The following RHOBTB1 variants were observed in gnomAD, a reference collection of about 807,000 sequenced individuals.
RHOBTB1 encodes rho-related BTB domain-containing protein 1.
Under a neutral mutation model 71.6 loss-of-function variants are expected in RHOBTB1, and 40 were observed. The observed-to-expected ratio is 0.56, with a 90% CI of 0.43 to 0.73. RHOBTB1 has a LOEUF of 0.73. Among genes scored for constraint, RHOBTB1 ranks in the 30% least tolerant of loss-of-function variants. RHOBTB1 has a pLI of 0.00. For missense variants in RHOBTB1, 797 were observed against 894.0 expected (o/e 0.89, Z 1.38); for synonymous variants, 319 against 334.9 (o/e 0.95, Z 0.52).
chr10:60,888,943 A>G lies in RHOBTB1; in HGVS notation c.725T>C (p.Val242Ala). The G allele has an allele frequency of 6.2e-7, 1 of 1,614,150 alleles. No homozygotes were observed. The change falls in exon 6 of 11, where the codon GTC becomes GCC. Residue 242 changes from valine (V) to alanine (A), a missense_variant. By Grantham distance (64) the Val-to-Ala change is moderately conservative. Around this residue, in one of 2 missense-constraint regions of RHOBTB1, gnomAD observed 658 missense variants for 681.5 expected, o/e 0.97. Transcript: ENST00000337910. Reference protein sequence around the residue: ...PFLPPKAPPPVIKIPECPSMG... With the variant: ...PFLPPKAPPPAIKIPECPSMG... ...GGAAGGACACTCTGGAATTTTGATG[A>G]CCGGTGGAGGGGCTTTTGGAGGTAG...
intron 4 of RHOBTB1, among the ~76,000 whole-genome samples, chr10:60,902,974 A>G (rs2133148283): frequency 6.6e-6 from 1 of 152,308 alleles, no homozygotes; most frequent in East Asian, 1.9e-4. Flanking sequence ...CTAGGATAAT[A>G]GGATAAGGGG....
rs1433508646 is a variant in RHOBTB1 at position 60,870,334 on chromosome 10, C to G, written c.*1148G>C. On this transcript the variant is annotated 3_prime_UTR_variant, in exon 11 of 11. Coordinates refer to ENST00000337910, the MANE Select transcript of RHOBTB1 (RefSeq NM_014836.5). The stretch of plus-strand genomic sequence containing the variant: ...TCCTTTCCGTGTAGGAGAACGCAGG[C>G]GCCCAGCCTCCAGCTTTGTGCTTTC... The G allele has an allele frequency of 6.6e-6, 1 of 152,662 alleles. No individual in the cohort carries two copies. Among genetic ancestry groups the G allele is most frequent in the South Asian group, 2.1e-4 (1 of 4,836 alleles). The allele number at this position is 152,662 out of a possible 1,614,324, so 9.5% of individuals were successfully genotyped here. A position where few individuals can be genotyped will look rare whatever the true frequency, so the allele number is the denominator to read the frequency against.
At chr10:60,909,503 C>G (rs1004730945) in intron 4 of RHOBTB1, among the ~76,000 whole-genome samples, 6 of 152,110 alleles carry the variant, frequency 3.9e-5, no homozygotes, top group African/African-American at 9.7e-5. Flanking sequence ...CCTTTGAAAT[C>G]TACTGTATTT....
At chr10:60,935,325 G>A (rs979080790) in intron 2 of RHOBTB1, among the ~76,000 whole-genome samples, 5 of 152,112 alleles carry the variant, frequency 3.3e-5, no homozygotes, top group Non-Finnish European at 7.4e-5. Flanking sequence ...ACATTGATTG[G>A]GTAGTGGCTG....
intron 4 of RHOBTB1, among the ~76,000 whole-genome samples, chr10:60,906,989 T>C (rs2133273617): frequency 6.6e-6 from 1 of 152,350 alleles, no homozygotes; most frequent in South Asian, 2.1e-4. Flanking sequence ...TTTCTCATGC[T>C]ATTCTCATGA....
chr10:60,886,723 G>C lies in RHOBTB1; in HGVS notation c.1457-493C>G, dbSNP rs982671255. ...CTGTTTTTTTTAAGAGATGTGGGGG[G>C]GGGTGGGTCTGGCTATGTTGTCCAG... On this transcript the variant is annotated intron_variant, in intron 6 of 10. Transcript: ENST00000337910. 2.8e-5 allele frequency among the ~76,000 whole-genome samples: 4 copies of C among 142,306 alleles called. No homozygotes were observed. The East Asian group carries it at 7.4e-4, about 26-fold the overall frequency. The allele number at this position is 142,306 out of a possible 152,430, so 93.4% of individuals were successfully genotyped here.
rs372087538 is a variant in RHOBTB1 at position 60,889,128 on chromosome 10, T to A, written c.540A>T (p.Glu180Asp). ...TTGTTTCATAGTATGGTAAGCCAAG[T>A]TCCTTTGCTACCTCTCGGCCTTTTT... ...PPEKGREVAK[E>D]LGLPYYETSV... Residue 180 changes from glutamate (E) to aspartate (D), a missense_variant, in exon 6 of 11, where the codon GAA (glutamate) becomes GAT (aspartate). Glu to Asp is a conservative substitution (Grantham distance 45). Transcript: ENST00000337910. 1 of 1,613,996 alleles carries A rather than the reference T, an allele frequency of 6.2e-7. No homozygotes were observed. The highest frequency in any genetic ancestry group is 8.5e-7 in the Non-Finnish European group (1 of 1,179,934).
At chr10:60,914,695 T>C (rs1297662510) in intron 2 of RHOBTB1, among the ~76,000 whole-genome samples, 1 of 152,230 alleles carries the variant, frequency 6.6e-6, no homozygotes, top group Non-Finnish European at 1.5e-5. Flanking sequence ...CACTGAAGAT[T>C]ACTTTGAGAG....
In RHOBTB1 at chr10:60,968,154, CT is replaced by C. The variant is rs201417955; in HGVS notation, c.-62+17690del. ...TCTTCACCAGCCAATTCAAATGTAG[CT>C]CCATCTGCACCTCTACAGGAAAACT... On this transcript the variant is annotated intron_variant, in intron 2 of 11. Coordinates refer to the RHOBTB1 transcript ENST00000357917. Among the ~76,000 whole-genome samples, 814 of 152,234 alleles carry C rather than the reference CT, an allele frequency of 5.3e-3. 4 individuals carry two copies. Among genetic ancestry groups the C allele is most frequent in the Non-Finnish European group, 9.1e-3 (620 of 67,982 alleles).
rs117000196 is a variant in RHOBTB1 at position 60,906,910 on chromosome 10, G to A, written c.296+3977C>T. Among the ~76,000 whole-genome samples the A allele has an allele frequency of 3.9e-3, 590 of 152,324 alleles. 16 individuals carry two copies. In the East Asian group the frequency reaches 0.058, roughly 15 times the overall value. On this transcript the variant is annotated intron_variant, in intron 4 of 10. Transcript: ENST00000337910. ...ACCCAAATCTCGAATCGTAGCTCCC[G>A]TGATTCTCACATGTCGTGATGTCGT... is the stretch of plus-strand genomic sequence containing the variant.
At chr10:60,991,413 T>C (rs1399093359) in intron 1 of RHOBTB1, among the ~76,000 whole-genome samples, 1 of 149,840 alleles carries the variant, frequency 6.7e-6, no homozygotes. Flanking sequence ...CTCCAGACAG[T>C]GTGGCCTTCC....
At chr10:60,906,046 T>C (rs966061615) in intron 4 of RHOBTB1, among the ~76,000 whole-genome samples, 3 of 152,216 alleles carry the variant, frequency 2.0e-5, no homozygotes, top group Non-Finnish European at 4.4e-5. Flanking sequence ...ATTTAAAACA[T>C]GTACTTTACT....
rs1209477237 is a variant in RHOBTB1 at position 60,870,784 on chromosome 10, G to A, written c.*698C>T. 1.3e-5 allele frequency: 2 copies of A among 152,506 alleles called. No homozygotes were observed. Among genetic ancestry groups the A allele is most frequent in the Non-Finnish European group, 2.9e-5 (2 of 68,014 alleles). 9.4% of individuals were successfully genotyped at this position (152,506 alleles called of 1,614,324 possible). On this transcript the variant is annotated 3_prime_UTR_variant, in exon 11 of 11. Transcript: ENST00000337910. ...GATTGTCCTCTTGAAACTAGACATT[G>A]GAAACAACAGAATATTTGATATCAC...
chr10:60,930,562 A>T (rs2084184048), intron 2 of RHOBTB1, among the ~76,000 whole-genome samples: 2 of 152,342 alleles, frequency 1.3e-5, no homozygotes, highest in Middle Eastern at 3.4e-3. Context: ...ATGCATTCAC[A>T]TGAAGCACTG....
At chr10:60,907,641 C>T (rs2082744818) in intron 4 of RHOBTB1, among the ~76,000 whole-genome samples, 1 of 152,174 alleles carries the variant, frequency 6.6e-6, no homozygotes, top group South Asian at 2.1e-4. Flanking sequence ...AGAAGGGCTC[C>T]TATCAATACT....
At chr10:60,905,793 A>G (rs2082649494) in intron 4 of RHOBTB1, among the ~76,000 whole-genome samples, 2 of 152,306 alleles carry the variant, frequency 1.3e-5, no homozygotes, top group East Asian at 1.9e-4. Flanking sequence ...TGCTATGAAC[A>G]TTAAGAGCTA....
intron 7 of RHOBTB1, among the ~76,000 whole-genome samples, chr10:60,880,767 A>T (rs1400377082): frequency 6.6e-6 from 1 of 152,184 alleles, no homozygotes; most frequent in Non-Finnish European, 1.5e-5. Flanking sequence ...TGTACATATG[A>T]ATAATTAATT....
the RHOBTB1 span, among the ~76,000 whole-genome samples, chr10:60,863,535 A>G: frequency 6.6e-6 from 1 of 150,824 alleles, no homozygotes; most frequent in African/African-American, 2.5e-5. Context: ...GGGTCTTCAC[A>G]TCCCCTTTTT....
chr10:60,936,616 C>T (rs1446027208), intron 2 of RHOBTB1, among the ~76,000 whole-genome samples: 1 of 152,156 alleles, frequency 6.6e-6, no homozygotes, highest in African/African-American at 2.4e-5. Context: ...AACCACTATT[C>T]TTTAGAACCT....
Sources: gnomAD v4.1 joint callset for allele counts (sites outside exome capture counted in the v4.1 genomes callset) on GRCh38, gnomAD v4.1.1 for gene constraint, gnomAD v4.1.1 regional missense constraint, MANE v1.5 for transcripts, NCBI Gene and HGNC (gene_info 2026-07-23, HGNC 2026-07-21) for gene names.